EFHB: variants seen among roughly 807,000 people sequenced by gnomAD.
EFHB encodes the protein EF-hand domain family member B, also known as EF-hand domain-containing family member B.
A neutral mutation model predicts 87.2 loss-of-function variants in EFHB; 91 were observed. That is an observed-to-expected ratio of 1.04 (90% confidence interval 0.88 to 1.24). The LOEUF (loss-of-function observed/expected upper bound fraction) is 1.24. EFHB is among the 50% of genes most tolerant of loss of function. The pLI is 0.00. For missense variants in EFHB, 1,084 were observed against 998.8 expected, an observed-to-expected ratio of 1.09 and a Z score of -1.15; for synonymous variants, 325 against 333.6, an observed-to-expected ratio of 0.97 and a Z score of 0.28.
chr3:19,936,155 C>T (rs763057142), upstream of EFHB: 7 of 1,433,444 alleles, frequency 4.9e-6, no homozygotes, highest in African/African-American at 1.4e-5. Context: ...AATCTCAACA[C>T]TTCGGGAAGC....
intron 1 of EFHB, among the ~76,000 whole-genome samples, chr3:19,944,363 G>A (rs918779966): frequency 1.3e-5 from 2 of 152,180 alleles, no homozygotes; most frequent in African/African-American, 4.8e-5. Flanking sequence ...ATCAAAGACA[G>A]TGTTTAAGTC....
In EFHB at chr3:19,919,810, A is replaced by T. The variant is rs1211909660; in HGVS notation, c.996+23T>A. Reference sequence around the variant, plus strand: ...CACCTTGGTAAATTAATAATGTACAAGGAAAAAAAGAAAATAACTTACCAG... The same window carrying T: ...CACCTTGGTAAATTAATAATGTACATGGAAAAAAAGAAAATAACTTACCAG... On this transcript the variant is annotated intron_variant, in intron 3 of 12. Coordinates refer to ENST00000295824, the MANE Select transcript of EFHB (RefSeq NM_144715.4). 2.5e-6 allele frequency: 4 copies of T among 1,602,174 alleles called. No homozygotes were observed. In the South Asian group the frequency reaches 3.3e-5, roughly 13 times the overall value.
Position 19,930,053 on chromosome 3 carries a change from A to G in EFHB, c.789+3177T>C, listed in dbSNP as rs1478927155. Among the ~76,000 whole-genome samples, 6 of 152,236 alleles carry G rather than the reference A, an allele frequency of 3.9e-5. No homozygotes were observed. In the East Asian group the frequency reaches 7.7e-4, roughly 20 times the overall value. ...ATGACTCACAGGTTGCAATAAGGGC[A>G]AACGAATTAATACCTGCAAAGGTCT... On this transcript the variant is annotated intron_variant, in intron 1 of 12. Coordinates refer to ENST00000295824, the MANE Select transcript of EFHB (RefSeq NM_144715.4).
intron 1 of EFHB, among the ~76,000 whole-genome samples, chr3:19,928,150 G>C (rs1695694781): frequency 6.6e-6 from 1 of 151,792 alleles, no homozygotes; most frequent in East Asian, 1.9e-4. Context: ...TGAAACACTG[G>C]CAAGTCAAAT....
In EFHB at chr3:19,916,006, G is replaced by A. The variant is rs868292732; in HGVS notation, c.1178-593C>T. 5.3e-5 allele frequency among the ~76,000 whole-genome samples: 8 copies of A among 152,082 alleles called. No homozygotes were observed. In the South Asian group the frequency reaches 8.3e-4, roughly 16 times the overall value. On this transcript the variant is annotated intron_variant, in intron 4 of 12. Transcript: ENST00000295824. ...AAAAAAACTATATTATCAGTTAACT[G>A]TTTAGTTGTGGTAAGCCATACTCCA...
upstream of EFHB, among the ~76,000 whole-genome samples, chr3:19,938,777 G>A (rs551151630): frequency 3.9e-5 from 6 of 152,266 alleles, no homozygotes; most frequent in East Asian, 1.9e-4. Flanking sequence ...TTGGACCTCC[G>A]TGATCCAGTC....
chr3:19,888,864 G>A (rs1027217660), intron 9 of EFHB, among the ~76,000 whole-genome samples: 1 of 152,222 alleles, frequency 6.6e-6, no homozygotes. Flanking sequence ...ACCAATAGGT[G>A]TGTACTTTTG....
At chr3:19,912,791 T>C (rs147037640) in intron 5 of EFHB, among the ~76,000 whole-genome samples, 2,102 of 152,290 alleles carry the variant, frequency 0.014, 50 homozygotes, top group African/African-American at 0.048. Context: ...TAGTGTTAAG[T>C]TGTTATCAGG....
In EFHB at chr3:19,933,604, C is replaced by T. The variant is rs1419475254; in HGVS notation, c.415G>A (p.Ala139Thr). The T allele has an allele frequency of 6.2e-7, 1 of 1,614,026 alleles. No individual in the cohort carries two copies. Reference sequence around the variant, plus strand: ...AAAGGAGCTCTCCTGCTCCCTGCAGCCTGTGAACTTCCACACACCCTGCCC... The same window carrying T: ...AAAGGAGCTCTCCTGCTCCCTGCAGTCTGTGAACTTCCACACACCCTGCCC... ...PLGRVCGSSQAAGSRRAPLAS... is the reference protein window; with the variant it reads ...PLGRVCGSSQTAGSRRAPLAS... Residue 139 changes from alanine (A) to threonine (T), a missense_variant, in exon 1 of 13, where the codon GCT becomes ACT. Coordinates refer to ENST00000295824, the MANE Select transcript of EFHB (RefSeq NM_144715.4).
intron 10 of EFHB, among the ~76,000 whole-genome samples, chr3:19,887,116 C>T (rs545116486): frequency 2.0e-5 from 3 of 152,240 alleles, no homozygotes; most frequent in Admixed American, 1.3e-4. Context: ...CATGTTGGCT[C>T]TTGTCGGTCA....
At chr3:19,938,982 C>T (rs1226672930), upstream of EFHB, among the ~76,000 whole-genome samples, 2 of 152,192 alleles carry the variant, frequency 1.3e-5, no homozygotes, top group Non-Finnish European at 2.9e-5. Context: ...TCTTGGCTCA[C>T]TGCAACCTCT....
chr3:19,903,719 T>C (rs1694747354), intron 6 of EFHB, among the ~76,000 whole-genome samples: 1 of 152,132 alleles, frequency 6.6e-6, no homozygotes, highest in Non-Finnish European at 1.5e-5. Flanking sequence ...CAGAAACTCA[T>C]GTAATAAAGG....
chr3:19,933,386 T>G lies in EFHB; in HGVS notation c.633A>C (p.Gln211His), dbSNP rs752304969. The stretch of plus-strand genomic sequence containing the variant: ...GGGGAGGTTCTATCACCAAGCCCAT[T>G]TGGGGCTCTGTATTCTTAGTCTCAT... ...GPDETKNTEP[Q>H]MGLVIEPPQC... is the part of the protein sequence containing the mutation. Residue 211 changes from glutamine (Q) to histidine (H), a missense_variant, in exon 1 of 13, where the codon CAA becomes CAC. Gln to His is a conservative substitution (Grantham distance 24). Transcript: ENST00000295824. 4 of 1,613,894 alleles carry G rather than the reference T, an allele frequency of 2.5e-6. No individual in the cohort carries two copies. Among genetic ancestry groups the G allele is most frequent in the Non-Finnish European group, 3.4e-6 (4 of 1,179,892 alleles).
intron 12 of EFHB, among the ~76,000 whole-genome samples, chr3:19,880,503 C>G (rs1035034858): frequency 6.6e-6 from 1 of 152,076 alleles, no homozygotes; most frequent in Admixed American, 6.5e-5. Context: ...CCACCCATCT[C>G]GGCCTCCCAA....
rs1340895929 is a variant in EFHB at position 19,882,632 on chromosome 3, G to T, written c.2246C>A (p.Ala749Glu). ...DRTNYGEEGSAYSLLYPTIFA... is the reference protein window; with the variant it reads ...DRTNYGEEGSEYSLLYPTIFA... ...AATGGTAGGATATAGTAGTGAATAT[G>T]CACTACCTTCTTCACCATAATTAGT... is the stretch of plus-strand genomic sequence containing the variant. The change falls in exon 12 of 13, where the codon GCA (alanine) becomes GAA (glutamate). Residue 749 changes from alanine to glutamate, a missense_variant. Coordinates refer to ENST00000295824, the MANE Select transcript of EFHB (RefSeq NM_144715.4). The T allele has an allele frequency of 1.9e-6, 3 of 1,613,316 alleles. No individual in the cohort carries two copies.
chr3:19,929,169 C>T (rs2931407), intron 1 of EFHB, among the ~76,000 whole-genome samples: 1 of 151,494 alleles, frequency 6.6e-6, no homozygotes. Context: ...TATCCTTAAG[C>T]AAATATTCCA....
At chr3:19,924,128 C>A (rs772823870) in intron 1 of EFHB, among the ~76,000 whole-genome samples, 1 of 151,918 alleles carries the variant, frequency 6.6e-6, no homozygotes, top group Admixed American at 6.6e-5. Flanking sequence ...ATGATGGTTG[C>A]CAAATGAGGA....
chr3:19,905,073 A>G (rs962091672), intron 6 of EFHB, among the ~76,000 whole-genome samples: 1 of 150,940 alleles, frequency 6.6e-6, no homozygotes, highest in Non-Finnish European at 1.5e-5. Context: ...GTGCCCAAAT[A>G]ACTATTCAAC....
upstream of EFHB, among the ~76,000 whole-genome samples, chr3:19,934,409 T>C (rs1695956978): frequency 2.4e-5 from 3 of 125,122 alleles, no homozygotes; most frequent in South Asian, 9.5e-4. Context: ...TTCTCTCTCC[T>C]CTCTCTCCCT....
Sources: gnomAD v4.1 joint callset for allele counts (sites outside exome capture counted in the v4.1 genomes callset) on GRCh38, gnomAD v4.1.1 for gene constraint, MANE v1.5 for transcripts, NCBI Gene and HGNC (gene_info 2026-07-23, HGNC 2026-07-21) for gene names.